The following SMC1B variants were observed in gnomAD, a reference collection of about 807,000 sequenced individuals.
SMC1B encodes the protein structural maintenance of chromosomes 1B, also known as structural maintenance of chromosomes protein 1B.
Under a neutral mutation model 157.9 loss-of-function variants are expected in SMC1B, and 60 were observed. The ratio of observed to expected loss-of-function variants is 0.38; its 90% CI spans 0.31 to 0.47. The LOEUF (loss-of-function observed/expected upper bound fraction) is 0.47, where lower values mean the gene tolerates loss of function less well. Ranked by LOEUF, SMC1B falls within the 20% of genes least tolerant of loss-of-function variation. The pLI is 0.99. For missense variants in SMC1B, 1,165 were observed against 1,426.2 expected, an observed-to-expected ratio of 0.82 and a Z score of 2.95; for synonymous variants, 445 against 483.0, an observed-to-expected ratio of 0.92 and a Z score of 1.03.
intron 15 of SMC1B, among the ~76,000 whole-genome samples, chr22:45,368,136 A>G (rs2086793210): frequency 6.6e-6 from 1 of 152,224 alleles, no homozygotes; most frequent in East Asian, 1.9e-4. Flanking sequence ...CTGATTTCTG[A>G]GATGTATTTT....
At chr22:45,359,578 A>G (rs2086701282) in intron 18 of SMC1B, among the ~76,000 whole-genome samples, 1 of 152,210 alleles carries the variant, frequency 6.6e-6, no homozygotes, top group African/African-American at 2.4e-5. Flanking sequence ...TGACTCCAAC[A>G]ACTTTAATTC....
At chr22:45,412,264 T>C (rs914736609) in intron 1 of SMC1B, among the ~76,000 whole-genome samples, 2 of 141,754 alleles carry the variant, frequency 1.4e-5, no homozygotes, top group Middle Eastern at 4.7e-3. Flanking sequence ...GCGGTGGTGC[T>C]ATCTTGGCTC....
intron 9 of SMC1B, 145 bp downstream of exon 9, chr22:45,393,489 A>G (rs1299743737): frequency 1.6e-6 from 1 of 620,184 alleles, no homozygotes; most frequent in African/African-American, 1.8e-5. Flanking sequence ...AAATATAAAG[A>G]GTCAAACACA....
At chr22:45,398,025 A>G (rs2146839435) in intron 6 of SMC1B, among the ~76,000 whole-genome samples, 1 of 152,280 alleles carries the variant, frequency 6.6e-6, no homozygotes, top group East Asian at 1.9e-4. Context: ...CCCACATGAC[A>G]GGAAGCAGTG....
At chr22:45,351,665 C>T (rs551377629) in intron 22 of SMC1B, among the ~76,000 whole-genome samples, 74 of 152,344 alleles carry the variant, frequency 4.9e-4, no homozygotes, top group African/African-American at 1.7e-3. Context: ...CCTCCCACCT[C>T]AGCCTCTGGG....
chr22:45,356,966 C>T (rs982381122), intron 19 of SMC1B, among the ~76,000 whole-genome samples: 1 of 152,104 alleles, frequency 6.6e-6, no homozygotes, highest in African/African-American at 2.4e-5. Flanking sequence ...CTCCTGACCT[C>T]AGGTGATCTG....
Position 45,359,837 on chromosome 22 carries a change from A to G in SMC1B, c.2830T>C (p.Ser944Pro), listed in dbSNP as rs749153217. The change falls in exon 18 of 25, where the codon TCG becomes CCG. Residue 944 changes from serine to proline, a missense_variant. Coordinates refer to ENST00000357450, the MANE Select transcript of SMC1B (RefSeq NM_148674.5). ...TCAATGATGTCATCCAGTGACCCCG[A>G]CAAAAGGATTATCTCAATGTCTTGC... is the stretch of plus-strand genomic sequence containing the variant. ...KVQDIEIILL[S>P]GSLDDIIEVE... 1 of 1,613,886 alleles carries G rather than the reference A, an allele frequency of 6.2e-7. No homozygotes were observed. The highest frequency in any genetic ancestry group is 8.5e-7 in the Non-Finnish European group (1 of 1,179,860).
chr22:45,413,413 T>G (rs1490077583), intron 1 of SMC1B, 46 bp downstream of exon 1: 2 of 1,480,346 alleles, frequency 1.4e-6, no homozygotes, highest in East Asian at 2.5e-5. Context: ...CCTGGACGCC[T>G]GGGACGGCGG....
At chr22:45,378,518 A>T (rs2086904657) in intron 12 of SMC1B, among the ~76,000 whole-genome samples, 1 of 152,088 alleles carries the variant, frequency 6.6e-6, no homozygotes, top group South Asian at 2.1e-4. Context: ...TACGAAATAG[A>T]TGTTATTATT....
Position 45,354,887 on chromosome 22 carries a change from A to AT in SMC1B, c.3118+71dup, listed in dbSNP as rs2086654816. 15 of 1,436,568 alleles carry AT rather than the reference A, an allele frequency of 1.0e-5. No individual in the cohort carries two copies. The Middle Eastern group carries it at 7.1e-4, about 68-fold the overall frequency. The allele number at this position is 1,436,568 out of a possible 1,614,324, so 89.0% of individuals were successfully genotyped here. On this transcript the variant is annotated intron_variant, in intron 20 of 24. Coordinates refer to ENST00000357450, the MANE Select transcript of SMC1B (RefSeq NM_148674.5). The stretch of plus-strand genomic sequence containing the variant: ...AACAAAAAGGGACAACAGAGGGGAG[A>AT]TTGTTGGCAAATGTTATAGCAATCA...
At chr22:45,367,510 G>A (rs1209707180) in intron 15 of SMC1B, among the ~76,000 whole-genome samples, 2 of 152,192 alleles carry the variant, frequency 1.3e-5, no homozygotes, top group Non-Finnish European at 2.9e-5. Flanking sequence ...TGATGCTGCT[G>A]AACAGCCACT....
At chr22:45,388,604 A>C (rs2087017211) in intron 10 of SMC1B, among the ~76,000 whole-genome samples, 1 of 152,194 alleles carries the variant, frequency 6.6e-6, no homozygotes, top group Non-Finnish European at 1.5e-5. Context: ...GTGCTTTACA[A>C]GTAACAATTC....
At chr22:45,393,869 A>G (rs2087090955) in intron 8 of SMC1B, 28 bp from the exon 9 acceptor site, 1 of 1,549,776 alleles carries the variant, frequency 6.5e-7, no homozygotes, top group South Asian at 1.2e-5. Context: ...ATTATACAGC[A>G]AAATGATAAA....
chr22:45,349,921 G>A lies in SMC1B; in HGVS notation c.3426-124C>T, dbSNP rs1039589518. 40 of 746,054 alleles carry A rather than the reference G, an allele frequency of 5.4e-5. No individual in the cohort carries two copies. The Middle Eastern group carries it at 1.2e-3, about 22-fold the overall frequency. The allele number at this position is 746,054 out of a possible 1,614,324, so 46.2% of individuals were successfully genotyped here. On this transcript the variant is annotated intron_variant, in intron 22 of 24. Coordinates refer to ENST00000357450, the MANE Select transcript of SMC1B (RefSeq NM_148674.5). Reference sequence around the variant, plus strand: ...TTCTTTTGGATATTTCTAAGTAATCGGTGACCTCTATGTTACTAAATCCAG... The same window carrying A: ...TTCTTTTGGATATTTCTAAGTAATCAGTGACCTCTATGTTACTAAATCCAG...
In SMC1B at chr22:45,402,495, T is replaced by G; in HGVS notation, c.692A>C (p.Asn231Thr). 6.2e-7 allele frequency: 1 copy of G among 1,613,988 alleles called. No homozygotes were observed. The highest frequency in any genetic ancestry group is 8.5e-7 in the Non-Finnish European group (1 of 1,179,944). ...GTTCAGGAGATGAATCTTTTTCTCA[T>G]TATGGTATAGTTGAAAAAGCTGCAG... Reference protein sequence around the residue: ...IQLQLFQLYHNEKKIHLLNTK... With the variant: ...IQLQLFQLYHTEKKIHLLNTK... Residue 231 changes from asparagine to threonine, a missense_variant, in exon 5 of 25, where the codon AAT becomes ACT. Transcript: ENST00000357450.
chr22:45,372,330 GA>G (rs751225697), intron 12 of SMC1B, 38 bp from the exon 13 acceptor site: 3 of 1,538,576 alleles, frequency 1.9e-6, no homozygotes, highest in Admixed American at 2.1e-5. Flanking sequence ...TTTTATGATA[GA>G]AAAGCACTTT....
chr22:45,402,129 TGCCTCA>T (rs1274504468), intron 5 of SMC1B, among the ~76,000 whole-genome samples, 198 bp downstream of exon 5: 1 of 152,200 alleles, frequency 6.6e-6, no homozygotes, highest in Non-Finnish European at 1.5e-5. Context: ...GTGATCCACC[TGCCTCA>T]GCCTCCCAAA....
chr22:45,384,793 A>G (rs1188736180), intron 11 of SMC1B, among the ~76,000 whole-genome samples: 6 of 152,186 alleles, frequency 3.9e-5, no homozygotes, highest in African/African-American at 1.4e-4. Flanking sequence ...TTTTAAATTA[A>G]TATTTCTAAT....
intron 4 of SMC1B, among the ~76,000 whole-genome samples, chr22:45,403,322 A>G (rs942226279): frequency 6.6e-6 from 1 of 152,240 alleles, no homozygotes; most frequent in Admixed American, 6.5e-5. Flanking sequence ...GACACAGAGA[A>G]ACATCACTAA....
Sources: allele counts gnomAD v4.1 joint callset (sites outside exome capture counted in the v4.1 genomes callset), GRCh38; gene constraint gnomAD v4.1.1; transcripts MANE v1.5; gene names NCBI Gene and HGNC (gene_info 2026-07-23, HGNC 2026-07-21).